Variants in HMGA2 observed in about 807,000 individuals in gnomAD.
HMGA2 encodes the protein high mobility group protein HMGI-C.
HMGA2 carries 8 observed loss-of-function variants against 19.1 expected under a neutral mutation model. That is an observed-to-expected ratio of 0.42 (90% confidence interval 0.25 to 0.76). HMGA2 has a LOEUF of 0.76. HMGA2 is among the 30% of genes least tolerant of loss of function. The probability of loss-of-function intolerance (pLI) is 0.28; values close to 1 mark genes in which losing one functional copy is unlikely to be tolerated. For synonymous variants in HMGA2, 60 were observed against 48.8 expected, an observed-to-expected ratio of 1.23 and a Z score of -0.96; for missense variants, 109 against 136.3, an observed-to-expected ratio of 0.80 and a Z score of 1.00.
intron 3 of HMGA2, among the ~76,000 whole-genome samples, chr12:65,921,353 G>A (rs143424403): frequency 7.2e-5 from 11 of 152,194 alleles, no homozygotes; most frequent in East Asian, 1.9e-4. Context: ...TCCGCCTCCC[G>A]GGTTCACGCC....
At chr12:65,928,269 A>G (rs1185742915) in intron 3 of HMGA2, among the ~76,000 whole-genome samples, 1 of 152,114 alleles carries the variant, frequency 6.6e-6, no homozygotes, top group South Asian at 2.1e-4. Context: ...AAACATAGAA[A>G]AGGTACAGTA....
At chr12:65,907,734 G>T (rs1874662197) in intron 3 of HMGA2, among the ~76,000 whole-genome samples, 1 of 152,164 alleles carries the variant, frequency 6.6e-6, no homozygotes, top group Non-Finnish European at 1.5e-5. Flanking sequence ...AATTTTTCAA[G>T]TAAGGATGTT....
At chr12:65,862,401 A>C (rs1384655023) in intron 3 of HMGA2, among the ~76,000 whole-genome samples, 1 of 152,132 alleles carries the variant, frequency 6.6e-6, no homozygotes, top group African/African-American at 2.4e-5. Context: ...CTTTTATTAT[A>C]GTATTATCAA....
rs569023120 is a variant in HMGA2 at position 65,848,936 on chromosome 12, C to T, written c.249+10367C>T. The stretch of plus-strand genomic sequence containing the variant: ...CCAAGTTCCCAGAAAACCCAAATAT[C>T]TTCAATATTAAGGCAGTTCCCCAGT... On this transcript the variant is annotated intron_variant, in intron 3 of 4. Coordinates refer to ENST00000403681, the MANE Select transcript of HMGA2 (RefSeq NM_003483.6). Among the ~76,000 whole-genome samples, 6 of 152,158 alleles carry T rather than the reference C, an allele frequency of 3.9e-5. No homozygotes were observed. The South Asian group carries it at 1.2e-3, about 32-fold the overall frequency.
chr12:65,850,533 A>G (rs1461875037), intron 3 of HMGA2, among the ~76,000 whole-genome samples: 1 of 149,598 alleles, frequency 6.7e-6, no homozygotes, highest in Non-Finnish European at 1.5e-5. Flanking sequence ...TTTTTTTACT[A>G]AAAAAAAAGA....
intron 3 of HMGA2, chr12:65,858,092 C>A (rs1871837315): frequency 6.6e-6 from 1 of 152,608 alleles, no homozygotes; most frequent in South Asian, 2.1e-4. Context: ...GCCTCCCAGC[C>A]AGCCATTAAT....
intron 3 of HMGA2, among the ~76,000 whole-genome samples, chr12:65,888,962 G>A (rs1330327209): frequency 2.6e-5 from 4 of 152,062 alleles, no homozygotes; most frequent in Non-Finnish European, 5.9e-5. Context: ...CTTCGAGCCT[G>A]CTCTTTCCAC....
At chr12:65,941,429 G>A (rs1876088713) in intron 3 of HMGA2, among the ~76,000 whole-genome samples, 2 of 152,066 alleles carry the variant, frequency 1.3e-5, no homozygotes, top group South Asian at 2.1e-4. Context: ...GCTAATGTTC[G>A]GGAATAGTTA....
At chr12:65,856,425 T>G (rs1490932832) in intron 3 of HMGA2, 1 of 152,262 alleles carries the variant, frequency 6.6e-6, no homozygotes, top group African/African-American at 2.4e-5. Flanking sequence ...TTGTTAGCTC[T>G]GACAAGAGCC....
intron 3 of HMGA2, among the ~76,000 whole-genome samples, chr12:65,888,017 C>G (rs1448199237): frequency 6.6e-6 from 1 of 152,138 alleles, no homozygotes; most frequent in Non-Finnish European, 1.5e-5. Context: ...CCATCTCTCT[C>G]ATACACACAC....
At chr12:65,883,081 C>T (rs781578175) in intron 3 of HMGA2, among the ~76,000 whole-genome samples, 1 of 152,194 alleles carries the variant, frequency 6.6e-6, no homozygotes, top group Admixed American at 6.5e-5. Flanking sequence ...TGTCAATGTG[C>T]GTCTGAACCT....
At position 65,825,785 on chromosome 12, in the gene HMGA2, C is replaced by A. The variant is rs978282784; in HGVS notation, c.111+404C>A. ...CCCGGGAGGAAGGAGGTGCCGGGGA[C>A]CCGGGCGCTTCGGCCGATCTGGGCT... is the stretch of plus-strand genomic sequence containing the variant. On this transcript the variant is annotated intron_variant, in intron 1 of 4. Transcript: ENST00000403681. This position sits in a 1 kb window ranked among gnomAD's most constrained non-coding sequence, Gnocchi z 4.4. Among the ~76,000 whole-genome samples the A allele has an allele frequency of 4.6e-5, 7 of 152,110 alleles. No homozygotes were observed. Among genetic ancestry groups the A allele is most frequent in the Non-Finnish European group, 1.0e-4 (7 of 68,004 alleles).
intron 3 of HMGA2, among the ~76,000 whole-genome samples, chr12:65,908,235 G>A (rs1214514279): frequency 6.6e-6 from 1 of 152,094 alleles, no homozygotes; most frequent in Non-Finnish European, 1.5e-5. Flanking sequence ...ACATGCGAAG[G>A]GCAGCCTGTA....
At chr12:65,832,713 G>A (rs1364729064) in intron 2 of HMGA2, among the ~76,000 whole-genome samples, 1 of 151,984 alleles carries the variant, frequency 6.6e-6, no homozygotes, top group Non-Finnish European at 1.5e-5. Context: ...ACTGTTATTT[G>A]TTAGGGCATT....
intron 3 of HMGA2, among the ~76,000 whole-genome samples, chr12:65,918,077 C>G (rs1875173658): frequency 6.6e-6 from 1 of 152,248 alleles, no homozygotes; most frequent in Non-Finnish European, 1.5e-5. Flanking sequence ...TCAAAGCCCT[C>G]TCTCTCAAAG....
intron 3 of HMGA2, among the ~76,000 whole-genome samples, chr12:65,906,738 A>G (rs1052711009): frequency 1.3e-5 from 2 of 152,204 alleles, no homozygotes; most frequent in Non-Finnish European, 2.9e-5. Flanking sequence ...ATAAAGAAAA[A>G]GGTTAAAAAT....
chr12:65,932,358 T>G (rs1277842640), intron 3 of HMGA2, among the ~76,000 whole-genome samples: 1 of 152,236 alleles, frequency 6.6e-6, no homozygotes, highest in Non-Finnish European at 1.5e-5. Context: ...CTCTTGATAA[T>G]GTTTGATTGT....
At chr12:65,866,985 G>A (rs1395858262) in intron 3 of HMGA2, 4 of 456,276 alleles carry the variant, frequency 8.8e-6, no homozygotes, top group Admixed American at 4.7e-5. Flanking sequence ...GAGATTGAAG[G>A]GGGAGAAATC....
At chr12:65,909,898 C>G (rs1261042316) in intron 3 of HMGA2, among the ~76,000 whole-genome samples, 2 of 152,240 alleles carry the variant, frequency 1.3e-5, no homozygotes, top group African/African-American at 4.8e-5. Context: ...CATTCACACC[C>G]TCGGTGACCT....
Sources: gnomAD v4.1 joint callset for allele counts (sites outside exome capture counted in the v4.1 genomes callset) on GRCh38, gnomAD v4.1.1 for gene constraint, Gnocchi (gnomAD v3.1) non-coding constraint, MANE v1.5 for transcripts, NCBI Gene and HGNC (gene_info 2026-07-23, HGNC 2026-07-21) for gene names.